The following DLG2 variants were observed in gnomAD, a reference collection of about 807,000 sequenced individuals.
The protein encoded by DLG2 is disks large homolog 2.
In DLG2, 45 loss-of-function variants were observed where a neutral mutation model predicts 132.5. That is an observed-to-expected ratio of 0.34 (90% confidence interval 0.27 to 0.44). The LOEUF (loss-of-function observed/expected upper bound fraction) is 0.44, where lower values mean the gene tolerates loss of function less well. Ranked by LOEUF, DLG2 falls within the 20% of genes least tolerant of loss-of-function variation. The pLI, the probability that DLG2 is intolerant of heterozygous loss-of-function variation, is 1.00. For missense variants in DLG2, 1,045 were observed against 1,196.9 expected (o/e 0.87, Z 1.87); for synonymous variants, 424 against 419.6 (o/e 1.01, Z -0.13).
At chr11:84,478,906 A>G (rs2099129223) in intron 7 of DLG2, among the ~76,000 whole-genome samples, 1 of 152,128 alleles carries the variant, frequency 6.6e-6, no homozygotes, top group Admixed American at 6.5e-5. Flanking sequence ...CAATAAAATC[A>G]GAATAACTGG....
Position 85,504,923 on chromosome 11 carries a change from T to C in DLG2, c.40+93734A>G, listed in dbSNP as rs554223592. Among the ~76,000 whole-genome samples the C allele has an allele frequency of 4.6e-5, 7 of 152,322 alleles. No homozygotes were observed. In the South Asian group the frequency reaches 1.5e-3, roughly 32 times the overall value. ...TTTGTAGTTCTCCTTGAAGAGATCCTTCACATCCCTTGTAAGTTGGATTCC... is the reference window on the plus strand; with the variant it reads ...TTTGTAGTTCTCCTTGAAGAGATCCCTCACATCCCTTGTAAGTTGGATTCC... On this transcript the variant is annotated intron_variant, in intron 3 of 27. Transcript: ENST00000376104.
intron 3 of DLG2, among the ~76,000 whole-genome samples, chr11:85,410,581 G>A (rs2152978854): frequency 6.6e-6 from 1 of 151,990 alleles, no homozygotes; most frequent in South Asian, 2.1e-4. Flanking sequence ...CCCTAGGATT[G>A]TGTAGTGAAA....
chr11:85,142,222 T>A (rs767235588), intron 5 of DLG2, among the ~76,000 whole-genome samples: 3 of 151,848 alleles, frequency 2.0e-5, no homozygotes, highest in Non-Finnish European at 3.0e-5. Flanking sequence ...TGTGCCCTCT[T>A]CAATTTCTTT....
intron 4 of DLG2, among the ~76,000 whole-genome samples, chr11:85,159,299 G>C (rs1330122294): frequency 1.3e-5 from 2 of 152,186 alleles, no homozygotes; most frequent in African/African-American, 4.8e-5. Flanking sequence ...TTTCTGCAGT[G>C]CCAGAATGCA....
chr11:85,269,283 C>A (rs998450303), intron 4 of DLG2, among the ~76,000 whole-genome samples: 6 of 152,206 alleles, frequency 3.9e-5, no homozygotes, highest in Non-Finnish European at 7.3e-5. Flanking sequence ...TGGATCTTGG[C>A]CCATCAGAAA....
intron 4 of DLG2, among the ~76,000 whole-genome samples, chr11:85,156,742 A>G (rs1161212904): frequency 6.6e-6 from 1 of 152,194 alleles, no homozygotes; most frequent in Admixed American, 6.5e-5. Flanking sequence ...CACATCCACC[A>G]TCATAGACTA....
chr11:84,927,173 A>T (rs1172189508), intron 6 of DLG2, among the ~76,000 whole-genome samples: 1 of 152,038 alleles, frequency 6.6e-6, no homozygotes, highest in Non-Finnish European at 1.5e-5. Flanking sequence ...ATGCAACTAC[A>T]ATTTGTTACA....
chr11:84,395,771 T>C (rs951893195), intron 7 of DLG2, among the ~76,000 whole-genome samples: 3 of 152,214 alleles, frequency 2.0e-5, no homozygotes, highest in African/African-American at 7.2e-5. Context: ...GATAAAAGCA[T>C]ACAATGTTGT....
At chr11:85,357,752 A>G (rs1406813886) in intron 3 of DLG2, among the ~76,000 whole-genome samples, 2 of 62,384 alleles carry the variant, frequency 3.2e-5, no homozygotes, top group Non-Finnish European at 6.3e-5. Flanking sequence ...ATATATATAT[A>G]TATATATATT....
At chr11:83,748,930 T>A (rs1375252296) in intron 18 of DLG2, among the ~76,000 whole-genome samples, 1 of 152,210 alleles carries the variant, frequency 6.6e-6, no homozygotes, top group African/African-American at 2.4e-5. Context: ...TCCGTACTCT[T>A]TTAAAAGATC....
rs201109856 is a variant in DLG2 at position 84,889,551 on chromosome 11, G to A, written c.357+222110C>T. 3.9e-5 allele frequency among the ~76,000 whole-genome samples: 6 copies of A among 152,234 alleles called. No individual in the cohort carries two copies. In the East Asian group the frequency reaches 1.2e-3, roughly 29 times the overall value. Reference sequence around the variant, plus strand: ...AGGAACTGTCTGAAGGGACAAAAGTGAAATGTTCAGCAGGGTAAATAGGGG... The same window carrying A: ...AGGAACTGTCTGAAGGGACAAAAGTAAAATGTTCAGCAGGGTAAATAGGGG... On this transcript the variant is annotated intron_variant, in intron 6 of 27. Coordinates refer to ENST00000376104, the MANE Select transcript of DLG2 (RefSeq NM_001142699.3).
chr11:85,541,708 T>C (rs2075988236), intron 3 of DLG2, among the ~76,000 whole-genome samples: 1 of 152,086 alleles, frequency 6.6e-6, no homozygotes, highest in South Asian at 2.1e-4. Flanking sequence ...AAAATTTTGA[T>C]CCACCACCTT....
At chr11:85,395,025 T>C (rs558876077) in intron 3 of DLG2, among the ~76,000 whole-genome samples, 23 of 152,288 alleles carry the variant, frequency 1.5e-4, no homozygotes, top group African/African-American at 4.8e-4. Context: ...GTCTTGCAAA[T>C]GCCAAAGACC....
intron 6 of DLG2, among the ~76,000 whole-genome samples, chr11:84,649,087 C>T (rs1016086661): frequency 6.6e-6 from 1 of 152,126 alleles, no homozygotes; most frequent in Admixed American, 6.5e-5. Context: ...TATAAAGCTT[C>T]CAAGTACTTA....
intron 6 of DLG2, among the ~76,000 whole-genome samples, chr11:84,657,987 C>T (rs2154547569): frequency 6.6e-6 from 1 of 152,216 alleles, no homozygotes; most frequent in Non-Finnish European, 1.5e-5. Context: ...TCTCTGCCTT[C>T]TTGGAAGCTT....
intron 7 of DLG2, among the ~76,000 whole-genome samples, chr11:84,292,196 G>T (rs561778036): frequency 6.6e-6 from 1 of 152,150 alleles, no homozygotes; most frequent in Non-Finnish European, 1.5e-5. Context: ...CAGGAATTTG[G>T]CAGAAAGACA....
intron 8 of DLG2, among the ~76,000 whole-genome samples, chr11:84,225,707 A>G (rs1472012585): frequency 6.6e-6 from 1 of 152,122 alleles, no homozygotes; most frequent in African/African-American, 2.4e-5. Flanking sequence ...TTTCATCTTT[A>G]TGCATTCCAT....
intron 4 of DLG2, among the ~76,000 whole-genome samples, chr11:85,170,825 G>A (rs1021722800): frequency 2.6e-5 from 4 of 151,998 alleles, no homozygotes; most frequent in African/African-American, 4.8e-5. Flanking sequence ...GATTTTATAG[G>A]ATGATGTTTG....
At chr11:84,038,082 G>C (rs1484475536) in intron 11 of DLG2, among the ~76,000 whole-genome samples, 1 of 151,892 alleles carries the variant, frequency 6.6e-6, no homozygotes, top group East Asian at 1.9e-4. Flanking sequence ...ATTAAGCATA[G>C]TGCCCATTAG....
Sources: allele counts gnomAD v4.1 joint callset (sites outside exome capture counted in the v4.1 genomes callset), GRCh38; gene constraint gnomAD v4.1.1; transcripts MANE v1.5; gene names NCBI Gene and HGNC (gene_info 2026-07-23, HGNC 2026-07-21).